UTP4: variants seen among roughly 807,000 people sequenced by gnomAD.
The protein encoded by UTP4 is U3 small nucleolar RNA-associated protein 4 homolog.
A neutral mutation model predicts 82.4 loss-of-function variants in UTP4; 45 were observed. The observed-to-expected ratio is 0.55, with a 90% CI of 0.43 to 0.70. The LOEUF is 0.70. Ranked by LOEUF, UTP4 falls within the 30% of genes least tolerant of loss-of-function variation. The pLI is 0.00. For missense variants in UTP4, 819 were observed against 858.3 expected (o/e 0.95, Z 0.57); for synonymous variants, 348 against 300.3 (o/e 1.16, Z -1.64).
chr16:69,134,878 G>T (rs1962771404), intron 2 of UTP4, among the ~76,000 whole-genome samples: 1 of 151,188 alleles, frequency 6.6e-6, no homozygotes, highest in African/African-American at 2.4e-5. Context: ...ATAGAGACGA[G>T]GTTTCACCAT....
At chr16:69,154,811 C>T (rs1414670942) in intron 10 of UTP4, among the ~76,000 whole-genome samples, 1 of 152,044 alleles carries the variant, frequency 6.6e-6, no homozygotes, top group East Asian at 1.9e-4. Flanking sequence ...TCACCGAAAC[C>T]TCCGCCTCCT....
Position 69,150,918 on chromosome 16 carries a change from C to T in UTP4, c.1002+14C>T. ...ACCTTTCCCCACGTAAGTGTCCATT[C>T]CAAGCCCCTGCTAACCCCTCATCTC... On this transcript the variant is annotated intron_variant, in intron 8 of 16. Transcript: ENST00000314423. The T allele has an allele frequency of 6.3e-7, 1 of 1,596,288 alleles. No individual in the cohort carries two copies. The highest frequency in any genetic ancestry group is 2.2e-5 in the East Asian group (1 of 44,812).
chr16:69,147,001 C>CAAAAAAAAAAAAAAAAAAA (rs71148965), intron 6 of UTP4, among the ~76,000 whole-genome samples: 3 of 85,784 alleles, frequency 3.5e-5, no homozygotes, highest in Non-Finnish European at 7.0e-5. Context: ...GACTCTGCCT[C>CAAAAAAAAAAAAAAAAAAA]AAAAAAAAAA....
chr16:69,167,754 G>C (rs1364985865), intron 16 of UTP4: 1 of 156,122 alleles, frequency 6.4e-6, no homozygotes, highest in Admixed American at 6.3e-5. Flanking sequence ...GCTGGGTATG[G>C]TGATTCACGC....
chr16:69,138,230 T>A (rs1243817446), intron 4 of UTP4, among the ~76,000 whole-genome samples: 1 of 141,066 alleles, frequency 7.1e-6, no homozygotes, highest in Non-Finnish European at 1.6e-5. Flanking sequence ...ATGGTTCTTT[T>A]CTTTCTTTTT....
chr16:69,163,103 T>C lies in UTP4; in HGVS notation c.1572T>C (p.Ala524=). The C allele has an allele frequency of 2.5e-6, 4 of 1,614,112 alleles. No homozygotes were observed. The highest frequency in any genetic ancestry group is 3.4e-6 in the Non-Finnish European group (4 of 1,179,956). The change falls in exon 14 of 17, where the codon GCT becomes GCC. Residue 524 remains alanine, a synonymous_variant. Transcript: ENST00000314423. ...CCCAGCTTCACTGCACGGTGCCTGCTTACAATTTCCCAGTGACTGCTATGG... is the reference window on the plus strand; with the variant it reads ...CCCAGCTTCACTGCACGGTGCCTGCCTACAATTTCCCAGTGACTGCTATGG... ...KQLKLHCTVP[A]YNFPVTAMAI... is the part of the protein sequence containing the mutation.
rs59985843 is a variant in UTP4 at position 69,147,178 on chromosome 16, A to AAATAATAAT, written c.739-3323_739-3315dup. 5.6e-3 allele frequency among the ~76,000 whole-genome samples: 738 copies of AAATAATAAT among 132,492 alleles called. 5 individuals are homozygous for AAATAATAAT. The highest frequency in any genetic ancestry group is 0.013 in the African/African-American group (449 of 35,164). The allele number at this position is 132,492 out of a possible 152,430, so 86.9% of individuals were successfully genotyped here. On this transcript the variant is annotated intron_variant, in intron 6 of 16. Coordinates refer to ENST00000314423, the MANE Select transcript of UTP4 (RefSeq NM_032830.3). The stretch of plus-strand genomic sequence containing the variant: ...GTCAACAGAGTGCAACTCCAGCTCA[A>AAATAATAAT]AATAATAATAATAATAATAATAATA...
At chr16:69,153,876 C>G (rs1963342403) in intron 9 of UTP4, among the ~76,000 whole-genome samples, 196 bp downstream of exon 9, 1 of 152,068 alleles carries the variant, frequency 6.6e-6, no homozygotes, top group Non-Finnish European at 1.5e-5. Context: ...ATTGGATCAT[C>G]TCTTAAAAGT....
At chr16:69,139,108 A>G (rs1407576871) in intron 4 of UTP4, 3 of 151,390 alleles carry the variant, frequency 2.0e-5, no homozygotes, top group South Asian at 2.1e-4. Flanking sequence ...AGCTGGGACT[A>G]CAGGTGCGTG....
chr16:69,162,943 T>G, intron 13 of UTP4, 140 bp from the exon 14 acceptor site: 1 of 739,346 alleles, frequency 1.4e-6, no homozygotes. Flanking sequence ...GTTGGGGAAA[T>G]GCCTGAAATT....
chr16:69,150,732 T>A, intron 7 of UTP4, 24 bp downstream of exon 7: 1 of 1,613,958 alleles, frequency 6.2e-7, no homozygotes, highest in Non-Finnish European at 8.5e-7. Flanking sequence ...CTGGTGAGGC[T>A]GCTGCTTTAC....
intron 16 of UTP4, among the ~76,000 whole-genome samples, chr16:69,168,293 G>A (rs1370794850): frequency 7.9e-5 from 12 of 151,886 alleles, no homozygotes; most frequent in Admixed American, 5.3e-4. Context: ...AAAATTAGCC[G>A]GGCGTGGTGG....
At chr16:69,165,015 G>A (rs1963666612) in intron 14 of UTP4, among the ~76,000 whole-genome samples, 1 of 152,068 alleles carries the variant, frequency 6.6e-6, no homozygotes, top group Non-Finnish European at 1.5e-5. Context: ...CTAACACAGT[G>A]AAACCCCATC....
intron 6 of UTP4, among the ~76,000 whole-genome samples, chr16:69,145,154 A>G (rs1421616460): frequency 1.3e-5 from 2 of 150,352 alleles, no homozygotes; most frequent in Non-Finnish European, 2.9e-5. Flanking sequence ...AATAACAATA[A>G]TAATAATAAT....
rs1234242815 is a variant in UTP4 at position 69,155,988 on chromosome 16, A to G, written c.1282A>G (p.Lys428Glu). The change falls in exon 11 of 17, where the codon AAA becomes GAA. Residue 428 changes from lysine to glutamate, a missense_variant. Lys to Glu is a moderately conservative substitution (Grantham distance 56, BLOSUM62 1). Coordinates refer to ENST00000314423, the MANE Select transcript of UTP4 (RefSeq NM_032830.3). ...LNYEHDNISLKRVSKMPAFLR... is the reference protein window; with the variant it reads ...LNYEHDNISLERVSKMPAFLR... ...TTATGAACATGACAACATAAGCCTCAAAAGGGTAAGTGATAGTCCAATATC... is the reference window on the plus strand; with the variant it reads ...TTATGAACATGACAACATAAGCCTCGAAAGGGTAAGTGATAGTCCAATATC... The G allele has an allele frequency of 1.2e-6, 2 of 1,614,002 alleles. No individual in the cohort carries two copies. The highest frequency in any genetic ancestry group is 1.7e-6 in the Non-Finnish European group (2 of 1,179,886).
chr16:69,162,856 C>A lies in UTP4; in HGVS notation c.1552-227C>A, dbSNP rs376557312. 4.0e-5 allele frequency among the ~76,000 whole-genome samples: 6 copies of A among 150,696 alleles called. No individual in the cohort carries two copies. In the East Asian group the frequency reaches 7.7e-4, roughly 19 times the overall value. On this transcript the variant is annotated intron_variant, in intron 13 of 16. Transcript: ENST00000314423. ...GTGAGCTGATTATCACGCCACTGCA[C>A]TCCAGCCTGGGTGACAAGAGCGAAA...
rs376717692 is a variant in UTP4 at position 69,157,108 on chromosome 16, C to T, written c.1312C>T (p.Arg438Cys). 148 of 1,614,084 alleles carry T rather than the reference C, an allele frequency of 9.2e-5. No homozygotes were observed. The highest frequency in any genetic ancestry group is 8.3e-4 in the Admixed American group (50 of 59,994). ...GGTTTCCAAAATGCCAGCATTCCTT[C>T]GCTCTGCCCTTCAGATTTTGTTTTC... Reference protein sequence around the residue: ...KRVSKMPAFLRSALQILFSED... With the variant: ...KRVSKMPAFLCSALQILFSED... Residue 438 changes from arginine to cysteine, a missense_variant, in exon 12 of 17, where the codon CGC becomes TGC. By Grantham distance (180) the Arg-to-Cys change is radical. Coordinates refer to ENST00000314423, the MANE Select transcript of UTP4 (RefSeq NM_032830.3).
Position 69,143,366 on chromosome 16 carries a change from G to T in UTP4, c.715G>T (p.Val239Leu), listed in dbSNP as rs375079380. 6.2e-7 allele frequency: 1 copy of T among 1,614,138 alleles called. No homozygotes were observed. The highest frequency in any genetic ancestry group is 8.5e-7 in the Non-Finnish European group (1 of 1,180,026). The part of the protein sequence containing the change: ...VKSHLIANAD[V>L]QSIAVADQED... ...GAGCCATCTCATCGCTAATGCTGAC[G>T]TGCAGTCCATTGCTGTAGCTGACGT... The change falls in exon 6 of 17, where the codon GTG (valine) becomes TTG (leucine). Residue 239 changes from valine to leucine, a missense_variant. Val to Leu is a conservative substitution (Grantham distance 32). Transcript: ENST00000314423.
rs758285634 is a variant in UTP4, at chr16:69,157,183, A to G, written c.1387A>G (p.Ile463Val). ...FVASNQGALH[I>V]VQLSGGSFKH... ...AGCATCAAATCAAGGAGCTCTGCAT[A>G]TTGTTCAGCTGTCAGGAGGAAGCTT... is the stretch of plus-strand genomic sequence containing the variant. Residue 463 changes from isoleucine (I) to valine (V), a missense_variant, in exon 12 of 17, where the codon ATT becomes GTT. Transcript: ENST00000314423. The G allele has an allele frequency of 1.1e-5, 18 of 1,614,044 alleles. No individual in the cohort carries two copies. The South Asian group carries it at 1.6e-4, about 15-fold the overall frequency.
Sources: gnomAD v4.1 joint callset for allele counts (sites outside exome capture counted in the v4.1 genomes callset) on GRCh38, gnomAD v4.1.1 for gene constraint, MANE v1.5 for transcripts, NCBI Gene and HGNC (gene_info 2026-07-23, HGNC 2026-07-21) for gene names.